The following ZNF536 variants were observed in gnomAD, a reference collection of about 807,000 sequenced individuals.
The protein encoded by ZNF536 is zinc finger protein 536.
ZNF536 carries 13 observed loss-of-function variants against 84.5 expected under a neutral mutation model. The ratio of observed to expected loss-of-function variants is 0.15; its 90% CI spans 0.10 to 0.24. ZNF536 has a LOEUF of 0.24. ZNF536 is among the 10% of genes least tolerant of loss of function. The pLI is 1.00. For missense variants in ZNF536, 1,536 were observed against 1,747.5 expected (o/e 0.88, Z 2.16); for synonymous variants, 811 against 742.5 (o/e 1.09, Z -1.50).
chr19:30,531,006 T>C (rs1050397305), intron 2 of ZNF536, among the ~76,000 whole-genome samples: 1 of 152,196 alleles, frequency 6.6e-6, no homozygotes, highest in Non-Finnish European at 1.5e-5. Flanking sequence ...TTCACTGTGC[T>C]TGGCTTTCAG....
intron 1 of ZNF536, among the ~76,000 whole-genome samples, chr19:30,439,053 A>C (rs1365240145): frequency 6.6e-6 from 1 of 152,118 alleles, no homozygotes; most frequent in East Asian, 1.9e-4. Context: ...ATCCTTTAAC[A>C]GTAGGATAAA....
At chr19:30,691,049 C>T (rs1257575859) in intron 1 of ZNF536, among the ~76,000 whole-genome samples, 2 of 152,100 alleles carry the variant, frequency 1.3e-5, no homozygotes, top group Non-Finnish European at 2.9e-5. Flanking sequence ...CTAGGAAAGG[C>T]AGAAGAACAT....
intron 3 of ZNF536, among the ~76,000 whole-genome samples, chr19:30,363,530 A>G (rs1453394944): frequency 6.6e-6 from 1 of 152,166 alleles, no homozygotes; most frequent in Non-Finnish European, 1.5e-5. Flanking sequence ...ATCCTAGGCA[A>G]TGATGGGCTA....
intron 1 of ZNF536, among the ~76,000 whole-genome samples, chr19:30,433,538 C>T (rs1452030710): frequency 6.6e-6 from 1 of 152,156 alleles, no homozygotes; most frequent in South Asian, 2.1e-4. Context: ...GCTCTTGTTG[C>T]CCAGGCTGGA....
At chr19:30,285,245 A>T (rs1025257134) in intron 2 of ZNF536, among the ~76,000 whole-genome samples, 4 of 152,166 alleles carry the variant, frequency 2.6e-5, no homozygotes, top group African/African-American at 9.6e-5. Context: ...TTCAAAGCTG[A>T]TTTTTTCCCC....
chr19:30,366,936 G>T (rs2048455018), intron 3 of ZNF536, among the ~76,000 whole-genome samples: 1 of 152,262 alleles, frequency 6.6e-6, no homozygotes, highest in South Asian at 2.1e-4. Flanking sequence ...GGCCCTCTGG[G>T]GAGGAGACAC....
exon 2 of ZNF536, chr19:30,712,074 G>A (rs913539296): frequency 1.4e-4 from 22 of 151,880 alleles, no homozygotes; most frequent in Non-Finnish European, 2.8e-4. Context: ...TCTAAACATC[G>A]TGCTCTCTAT....
chr19:30,241,375 A>G (rs2023930354), intron 1 of ZNF536, among the ~76,000 whole-genome samples: 2 of 152,214 alleles, frequency 1.3e-5, no homozygotes, highest in African/African-American at 4.8e-5. Flanking sequence ...AGATGGTGAC[A>G]TGTGTTATGG....
At chr19:30,664,118 G>GA (rs1207516982) in intron 1 of ZNF536, among the ~76,000 whole-genome samples, 2 of 151,904 alleles carry the variant, frequency 1.3e-5, no homozygotes, top group Non-Finnish European at 2.9e-5. Flanking sequence ...TTCACAGATT[G>GA]AAAAAATAAA....
At chr19:30,226,778 C>T (rs1266807492), upstream of ZNF536, among the ~76,000 whole-genome samples, 4 of 152,116 alleles carry the variant, frequency 2.6e-5, no homozygotes, top group African/African-American at 4.8e-5. This position sits in a 1 kb window ranked among gnomAD's most constrained non-coding sequence, Gnocchi z 4.6. Context: ...GGCGTGGGGG[C>T]TCTGGAAGGC....
In ZNF536 at chr19:30,444,918, C is replaced by T. The variant is rs1445558235; in HGVS notation, c.1356C>T (p.Leu452=). The T allele has an allele frequency of 1.2e-6, 2 of 1,611,334 alleles. No individual in the cohort carries two copies. The highest frequency in any genetic ancestry group is 1.7e-6 in the Non-Finnish European group (2 of 1,178,978). ...DKAGLSEPSQ[L]YGKGELPMKE... ...CCGGCCTGAGCGAGCCCAGCCAGCT[C>T]TATGGCAAGGGCGAGCTGCCCATGA... Residue 452 remains leucine (L), a synonymous_variant, in exon 2 of 5, where the codon CTC becomes CTT. Transcript: ENST00000355537.
In ZNF536 at chr19:30,522,365, C is replaced by CA. The variant is rs2044396367; in HGVS notation, c.2171-12475dup. Among the ~76,000 whole-genome samples the CA allele has an allele frequency of 2.0e-5, 3 of 147,074 alleles. 1 individual carries two copies. Among genetic ancestry groups the CA allele is most frequent in the South Asian group, 4.3e-4 (2 of 4,676 alleles). ...GATATTGAAGGGTTCAGCATTTATT[C>CA]AAAAAAATTTTTTAAGCTGATCCAA... On this transcript the variant is annotated intron_variant, in intron 2 of 4. Coordinates refer to ENST00000355537, the MANE Select transcript of ZNF536 (RefSeq NM_014717.3).
At chr19:30,481,059 G>A (rs10403598) in intron 2 of ZNF536, among the ~76,000 whole-genome samples, 21,301 of 151,254 alleles carry the variant, frequency 0.14, 5,049 homozygotes, top group African/African-American at 0.49. Flanking sequence ...GGGTTGGGGG[G>A]CTTTTTAGCT....
At position 30,245,658 on chromosome 19, in the gene ZNF536, T is replaced by C. The variant is rs114890814; in HGVS notation, c.-190+16985T>C. 3.3e-3 allele frequency among the ~76,000 whole-genome samples: 495 copies of C among 152,254 alleles called. 4 individuals carry two copies. Among genetic ancestry groups the C allele is most frequent in the African/African-American group, 0.011 (468 of 41,554 alleles). On this transcript the variant is annotated intron_variant, in intron 1 of 5. Transcript: ENST00000585628. ...CCGTGATGGAAGTGCAGAAAGAAGG[T>C]TGTCTCTCTATTGAAAATATATTAG... is the stretch of plus-strand genomic sequence containing the variant.
chr19:30,688,154 C>A (rs55904657), intron 1 of ZNF536, among the ~76,000 whole-genome samples: 28,709 of 152,088 alleles, frequency 0.19, 2,771 homozygotes, highest in South Asian at 0.22. Context: ...CACCTCCCAT[C>A]TCCTGCCCAG....
intron 2 of ZNF536, among the ~76,000 whole-genome samples, chr19:30,508,297 A>G (rs2055256635): frequency 6.6e-6 from 1 of 152,226 alleles, no homozygotes; most frequent in South Asian, 2.1e-4. Flanking sequence ...TTGGGCTGCC[A>G]TTGCAGACCC....
chr19:30,527,124 G>A (rs2044617830), intron 2 of ZNF536, among the ~76,000 whole-genome samples: 1 of 150,502 alleles, frequency 6.6e-6, no homozygotes, highest in African/African-American at 2.5e-5. Flanking sequence ...TCACCATATT[G>A]GCCAGGTTGG....
chr19:30,604,908 G>C (rs115383040), intron 1 of ZNF536, among the ~76,000 whole-genome samples: 62 of 152,306 alleles, frequency 4.1e-4, no homozygotes, highest in African/African-American at 1.4e-3. Flanking sequence ...AGAAGGGACA[G>C]CAGGAAGGCA....
chr19:30,667,465 C>T (rs2147672342), intron 1 of ZNF536, among the ~76,000 whole-genome samples: 2 of 152,190 alleles, frequency 1.3e-5, no homozygotes, highest in Middle Eastern at 3.4e-3. Flanking sequence ...CGGGAGGCCT[C>T]CCCCATGCCG....
Sources: gnomAD v4.1 joint callset for allele counts (sites outside exome capture counted in the v4.1 genomes callset) on GRCh38, gnomAD v4.1.1 for gene constraint, Gnocchi (gnomAD v3.1) non-coding constraint, MANE v1.5 for transcripts, NCBI Gene and HGNC (gene_info 2026-07-23, HGNC 2026-07-21) for gene names.